The following KIAA1217 variants were observed in gnomAD, a reference collection of about 807,000 sequenced individuals.
KIAA1217 encodes the protein KIAA1217, also known as sickle tail protein homolog.
KIAA1217 carries 88 observed loss-of-function variants against 163.9 expected under a neutral mutation model. That is an observed-to-expected ratio of 0.54 (90% CI 0.45 to 0.64). The LOEUF (loss-of-function observed/expected upper bound fraction) is 0.64, where lower values mean the gene tolerates loss of function less well. KIAA1217 is among the 30% of genes least tolerant of loss of function. KIAA1217 has a pLI of 0.00. For missense variants in KIAA1217, 2,372 were observed against 2,475.0 expected (o/e 0.96, Z 0.88); for synonymous variants, 903 against 923.1 (o/e 0.98, Z 0.39).
chr10:23,883,470 T>G (rs550425407), intron 1 of KIAA1217, among the ~76,000 whole-genome samples: 15 of 152,034 alleles, frequency 9.9e-5, no homozygotes, highest in African/African-American at 3.6e-4. Flanking sequence ...AAAACAGACT[T>G]TATATTTTAG....
intron 3 of KIAA1217, among the ~76,000 whole-genome samples, chr10:24,390,144 A>G (rs2054652167): frequency 6.6e-6 from 1 of 152,166 alleles, no homozygotes; most frequent in Admixed American, 6.6e-5. Context: ...GTTCTCTACA[A>G]CTGATCTCTG....
intron 1 of KIAA1217, among the ~76,000 whole-genome samples, chr10:23,993,553 C>CTGTTTTTTTTTTTTTTTTTTTTTTTTT (rs1554836824): frequency 1.5e-5 from 1 of 68,956 alleles, no homozygotes; most frequent in African/African-American, 8.4e-5. Context: ...CATAGCCCAG[C>CTGTTTTTTTTTTTTTTTTTTTTTTTTT]TTTTTTTTTT....
chr10:23,938,671 A>G (rs963705192), intron 1 of KIAA1217, among the ~76,000 whole-genome samples: 5 of 95,112 alleles, frequency 5.3e-5, no homozygotes, highest in Non-Finnish European at 1.3e-4. Context: ...ATTTAGAGTA[A>G]AAAAAAAAAG....
At chr10:24,012,592 T>C (rs1377366294) in intron 2 of KIAA1217, among the ~76,000 whole-genome samples, 1 of 152,144 alleles carries the variant, frequency 6.6e-6, no homozygotes, top group Non-Finnish European at 1.5e-5. Context: ...CCTTGTGCCT[T>C]TGAATGAGGG....
At chr10:24,081,490 G>A (rs924307868) in intron 2 of KIAA1217, among the ~76,000 whole-genome samples, 28 of 152,248 alleles carry the variant, frequency 1.8e-4, no homozygotes, top group African/African-American at 5.8e-4. Flanking sequence ...GACTCATGCC[G>A]GACATTTATC....
intron 1 of KIAA1217, among the ~76,000 whole-genome samples, chr10:23,954,268 A>T (rs991527745): frequency 6.6e-6 from 1 of 152,134 alleles, no homozygotes. Flanking sequence ...TAGAGCCTCA[A>T]TGAAAGGGAA....
At chr10:23,873,531 T>C (rs1840555932) in intron 1 of KIAA1217, among the ~76,000 whole-genome samples, 2 of 152,000 alleles carry the variant, frequency 1.3e-5, no homozygotes, top group Admixed American at 1.3e-4. Context: ...TGAGTTATAG[T>C]TAGGTAAACG....
rs769885239 is a variant in KIAA1217 at position 24,473,840 on chromosome 10, C to A, written c.1459C>A (p.His487Asn). The change falls in exon 6 of 21, where the codon CAC (histidine) becomes AAC (asparagine). Residue 487 changes from histidine (H) to asparagine (N), a missense_variant. By Grantham distance (68) the His-to-Asn change is moderately conservative (BLOSUM62 1). Around this residue, in one of 3 missense-constraint regions of KIAA1217, gnomAD observed 1,431 missense variants for 1,470.3 expected, o/e 0.97. Transcript: ENST00000376454. ...RVSDLRMIDMHAHYNAHGPPH... is the reference protein window; with the variant it reads ...RVSDLRMIDMNAHYNAHGPPH... Reference sequence around the variant, plus strand: ...CAGTGACCTGAGGATGATAGACATGCACGCTCACTATAATGCCCACGGCCC... The same window carrying A: ...CAGTGACCTGAGGATGATAGACATGAACGCTCACTATAATGCCCACGGCCC... 1 of 1,614,168 alleles carries A rather than the reference C, an allele frequency of 6.2e-7. No homozygotes were observed. The highest frequency in any genetic ancestry group is 1.7e-5 in the Admixed American group (1 of 60,012).
At chr10:24,434,821 T>C (rs1437693508) in intron 4 of KIAA1217, among the ~76,000 whole-genome samples, 2 of 152,248 alleles carry the variant, frequency 1.3e-5, no homozygotes, top group Non-Finnish European at 2.9e-5. Flanking sequence ...TTTCATTTTA[T>C]GGAACCAGAA....
chr10:24,259,610 G>T (rs1052179719), intron 2 of KIAA1217, among the ~76,000 whole-genome samples: 6 of 152,182 alleles, frequency 3.9e-5, no homozygotes. Context: ...GCAAAATCTT[G>T]TGTCTAAAAA....
intron 2 of KIAA1217, among the ~76,000 whole-genome samples, chr10:24,171,107 A>G (rs2065608198): frequency 6.6e-6 from 1 of 152,252 alleles, no homozygotes; most frequent in South Asian, 2.1e-4. Flanking sequence ...GAAGGCATCA[A>G]GCACTTCATT....
At chr10:24,057,839 C>T (rs574545163) in intron 2 of KIAA1217, among the ~76,000 whole-genome samples, 45 of 152,246 alleles carry the variant, frequency 3.0e-4, no homozygotes, top group African/African-American at 1.1e-3. Context: ...TATTTTCTCC[C>T]ATTCCACAGG....
chr10:24,214,817 A>G (rs1417131271), intron 1 of KIAA1217, among the ~76,000 whole-genome samples: 2 of 152,156 alleles, frequency 1.3e-5, no homozygotes, highest in Non-Finnish European at 2.9e-5. Flanking sequence ...GGCCTACCTA[A>G]TCTTGACCCA....
chr10:24,164,593 T>C (rs1397219258), intron 2 of KIAA1217, among the ~76,000 whole-genome samples: 1 of 152,154 alleles, frequency 6.6e-6, no homozygotes, highest in Non-Finnish European at 1.5e-5. Flanking sequence ...AAAAAGCTTG[T>C]AGTTTGATGG....
At chr10:23,811,833 G>T (rs1837073136) in intron 1 of KIAA1217, among the ~76,000 whole-genome samples, 1 of 152,138 alleles carries the variant, frequency 6.6e-6, no homozygotes, top group African/African-American at 2.4e-5. Flanking sequence ...CTTTCTAAGA[G>T]GATGCTGTGC....
At chr10:24,250,731 G>A (rs1468066879) in intron 2 of KIAA1217, among the ~76,000 whole-genome samples, 42 of 134,224 alleles carry the variant, frequency 3.1e-4, no homozygotes, top group African/African-American at 8.5e-4. Flanking sequence ...GATTACAGGC[G>A]TGAGCCACTG....
chr10:24,392,224 G>A (rs1474763710), intron 3 of KIAA1217, among the ~76,000 whole-genome samples: 1 of 145,880 alleles, frequency 6.9e-6, no homozygotes, highest in African/African-American at 2.7e-5. Context: ...TTTAAGATGA[G>A]GTTTATACCA....
chr10:24,240,607 G>A (rs1275378514), intron 2 of KIAA1217, among the ~76,000 whole-genome samples: 1 of 152,154 alleles, frequency 6.6e-6, no homozygotes, highest in Admixed American at 6.5e-5. Flanking sequence ...TATAACTAGA[G>A]GAAAGTAAAT....
chr10:24,438,956 T>C (rs1327789936), intron 5 of KIAA1217, among the ~76,000 whole-genome samples: 3 of 152,226 alleles, frequency 2.0e-5, no homozygotes, highest in Non-Finnish European at 4.4e-5. Flanking sequence ...GGAGCTACCC[T>C]GGAAGAATTT....
Sources: allele counts gnomAD v4.1 joint callset (sites outside exome capture counted in the v4.1 genomes callset), GRCh38; gene constraint gnomAD v4.1.1; regional missense constraint gnomAD v4.1.1; transcripts MANE v1.5; gene names NCBI Gene and HGNC (gene_info 2026-07-23, HGNC 2026-07-21).